The following MAPK4 variants were observed in gnomAD, a reference collection of about 807,000 sequenced individuals.
The protein encoded by MAPK4 is mitogen-activated protein kinase 4, also known as Erk3-related.
A neutral mutation model predicts 47.7 loss-of-function variants in MAPK4; 22 were observed. That is an observed-to-expected ratio of 0.46 (90% CI 0.33 to 0.66). The LOEUF (loss-of-function observed/expected upper bound fraction) is 0.66, where lower values mean the gene tolerates loss of function less well. Among genes scored for constraint, MAPK4 ranks in the 30% least tolerant of loss-of-function variants. The pLI is 0.02. For synonymous variants in MAPK4, 390 were observed against 365.7 expected (o/e 1.07, Z -0.76); for missense variants, 736 against 831.7 (o/e 0.88, Z 1.42).
chr18:50,631,119 C>A (rs528581310), intron 1 of MAPK4, among the ~76,000 whole-genome samples: 4 of 152,326 alleles, frequency 2.6e-5, no homozygotes, highest in Admixed American at 1.3e-4. Flanking sequence ...CAGGGTGACA[C>A]GCTGCCTTCT....
chr18:50,695,338 T>TAA (rs59857315), intron 2 of MAPK4, among the ~76,000 whole-genome samples: 20 of 84,684 alleles, frequency 2.4e-4, no homozygotes, highest in Admixed American at 1.9e-3. Flanking sequence ...GGCTCCATCT[T>TAA]AAAAAAAAAA....
intron 1 of MAPK4, among the ~76,000 whole-genome samples, chr18:50,597,930 A>T (rs2042498162): frequency 6.6e-6 from 1 of 152,248 alleles, no homozygotes; most frequent in Admixed American, 6.5e-5. Flanking sequence ...GAAGGATCAC[A>T]TATTAAAGCA....
In MAPK4 at chr18:50,629,610, C is replaced by T. The variant is rs1269628217; in HGVS notation, c.-870-33479C>T. The T allele has an allele frequency of 2.0e-5, 3 of 152,288 alleles. No homozygotes were observed. In the East Asian group the frequency reaches 5.8e-4, roughly 29 times the overall value. 9.4% of individuals were successfully genotyped at this position (152,288 alleles called of 1,614,324 possible). ...CAAGACAGCGACAGCAGAGCATCAG[C>T]TAAATGCATGGTCCTTTTGAGCTTC... On this transcript the variant is annotated intron_variant, in intron 1 of 5. Transcript: ENST00000400384.
intron 2 of MAPK4, among the ~76,000 whole-genome samples, chr18:50,708,584 T>G (rs530252709): frequency 1.3e-5 from 2 of 152,230 alleles, no homozygotes; most frequent in East Asian, 3.9e-4. Flanking sequence ...ACCCCAAAGT[T>G]TGAGAAGCCA....
At chr18:50,675,694 G>C (rs1053499636) in intron 2 of MAPK4, among the ~76,000 whole-genome samples, 1 of 152,236 alleles carries the variant, frequency 6.6e-6, no homozygotes, top group East Asian at 1.9e-4. Context: ...GTTTCATCAT[G>C]TTGGCCAGGA....
intron 2 of MAPK4, among the ~76,000 whole-genome samples, chr18:50,698,979 C>T (rs752722395): frequency 6.6e-6 from 1 of 151,892 alleles, no homozygotes. Flanking sequence ...GAGTCAAGAT[C>T]GTGCCACTGC....
intron 1 of MAPK4, among the ~76,000 whole-genome samples, chr18:50,635,935 T>C (rs529047224): frequency 1.0e-3 from 158 of 152,290 alleles, no homozygotes; most frequent in Middle Eastern, 0.01. Context: ...CACTAGGCCT[T>C]GATGGCCTGG....
At position 50,604,017 on chromosome 18, in the gene MAPK4, T is replaced by C. The variant is rs573052556; in HGVS notation, c.-871+43774T>C. On this transcript the variant is annotated intron_variant, in intron 1 of 5. Coordinates refer to ENST00000400384, the MANE Select transcript of MAPK4 (RefSeq NM_002747.4). ...TTAGAACAAACAAATTAGAAGGAATTTGAGGCAGGCATACCCAAACCATCA... is the reference window on the plus strand; with the variant it reads ...TTAGAACAAACAAATTAGAAGGAATCTGAGGCAGGCATACCCAAACCATCA... Among the ~76,000 whole-genome samples, 4 of 152,294 alleles carry C rather than the reference T, an allele frequency of 2.6e-5. No homozygotes were observed. In the South Asian group the frequency reaches 6.2e-4, roughly 24 times the overall value.
intron 2 of MAPK4, among the ~76,000 whole-genome samples, chr18:50,667,954 T>G (rs894975234): frequency 2.6e-5 from 4 of 152,192 alleles, no homozygotes; most frequent in African/African-American, 9.7e-5. Context: ...GTCATATTAA[T>G]AAGTCCGTGC....
At chr18:50,607,672 C>A (rs2042593962) in intron 1 of MAPK4, among the ~76,000 whole-genome samples, 1 of 152,206 alleles carries the variant, frequency 6.6e-6, no homozygotes, top group African/African-American at 2.4e-5. Flanking sequence ...AGGAACCACT[C>A]TCAGTCATGT....
At chr18:50,715,773 C>T (rs1477388154) in intron 3 of MAPK4, among the ~76,000 whole-genome samples, 1 of 152,140 alleles carries the variant, frequency 6.6e-6, no homozygotes, top group Non-Finnish European at 1.5e-5. Context: ...GTTTATATGC[C>T]ACCTAGGCTA....
At chr18:50,655,113 T>G (rs928732688) in intron 1 of MAPK4, among the ~76,000 whole-genome samples, 8 of 152,142 alleles carry the variant, frequency 5.3e-5, no homozygotes, top group African/African-American at 1.9e-4. Flanking sequence ...CCCACAGGCG[T>G]GTTCTTTAGA....
chr18:50,580,766 T>A (rs2042336616), intron 1 of MAPK4, among the ~76,000 whole-genome samples: 1 of 152,212 alleles, frequency 6.6e-6, no homozygotes, highest in African/African-American at 2.4e-5. Flanking sequence ...TATTCTCTAA[T>A]AATGTCAATT....
At chr18:50,692,476 A>C (rs1399661926) in intron 2 of MAPK4, among the ~76,000 whole-genome samples, 1 of 152,156 alleles carries the variant, frequency 6.6e-6, no homozygotes, top group East Asian at 1.9e-4. Flanking sequence ...TCTGTTCCTT[A>C]AGAATTATGT....
intron 1 of MAPK4, among the ~76,000 whole-genome samples, chr18:50,644,233 G>C (rs74695671): frequency 0.014 from 2,096 of 152,132 alleles, 43 homozygotes; most frequent in African/African-American, 0.048. Flanking sequence ...GCCTTGGTAA[G>C]AGCTTCCCCC....
intron 1 of MAPK4, among the ~76,000 whole-genome samples, chr18:50,620,400 A>G (rs997360139): frequency 7.2e-5 from 11 of 152,196 alleles, no homozygotes; most frequent in African/African-American, 2.4e-4. Flanking sequence ...AATAAAATGC[A>G]GATTTTTAGT....
chr18:50,694,848 A>T (rs1336513788), intron 2 of MAPK4, among the ~76,000 whole-genome samples: 1 of 152,196 alleles, frequency 6.6e-6, no homozygotes, highest in African/African-American at 2.4e-5. Context: ...CTCCATCACC[A>T]CTGTCACCAT....
chr18:50,675,243 C>T (rs1054925222), intron 2 of MAPK4, among the ~76,000 whole-genome samples: 1 of 152,116 alleles, frequency 6.6e-6, no homozygotes, highest in Admixed American at 6.5e-5. Context: ...CTTTGATGGC[C>T]ATTCAGGTGA....
At chr18:50,568,545 C>T (rs2042222059) in intron 1 of MAPK4, among the ~76,000 whole-genome samples, 1 of 152,204 alleles carries the variant, frequency 6.6e-6, no homozygotes, top group Admixed American at 6.5e-5. Context: ...TAACTGCTAA[C>T]TACCTCTGGA....
Sources: gnomAD v4.1 joint callset for allele counts (sites outside exome capture counted in the v4.1 genomes callset) on GRCh38, gnomAD v4.1.1 for gene constraint, MANE v1.5 for transcripts, NCBI Gene and HGNC (gene_info 2026-07-23, HGNC 2026-07-21) for gene names.